RHOQ: variants seen among roughly 807,000 people sequenced by gnomAD.
The protein encoded by RHOQ is rho-related GTP-binding protein RhoQ.
Under a neutral mutation model 25.8 loss-of-function variants are expected in RHOQ, and 7 were observed. The ratio of observed to expected loss-of-function variants is 0.27; its 90% confidence interval spans 0.15 to 0.51. The LOEUF (loss-of-function observed/expected upper bound fraction) is 0.51, where lower values mean the gene tolerates loss of function less well. Ranked by LOEUF, RHOQ falls within the 20% of genes least tolerant of loss-of-function variation. RHOQ has a pLI of 0.97. For synonymous variants in RHOQ, 97 were observed against 98.6 expected, an observed-to-expected ratio of 0.98 and a Z score of 0.10; for missense variants, 165 against 260.6, an observed-to-expected ratio of 0.63 and a Z score of 2.53.
At chr2:46,565,299 G>A (rs974969015) in intron 2 of RHOQ, among the ~76,000 whole-genome samples, 1 of 152,170 alleles carries the variant, frequency 6.6e-6, no homozygotes, top group Non-Finnish European at 1.5e-5. Flanking sequence ...GGGGTGGTGG[G>A]TCCTGCACTG....
At chr2:46,575,397 CTT>C (rs1558692398) in intron 2 of RHOQ, among the ~76,000 whole-genome samples, 15 of 105,048 alleles carry the variant, frequency 1.4e-4, no homozygotes, top group Admixed American at 2.2e-4. Flanking sequence ...CTCTTTAAAT[CTT>C]CACACACACA....
At chr2:46,559,762 T>C (rs1403969694) in intron 2 of RHOQ, among the ~76,000 whole-genome samples, 1 of 152,180 alleles carries the variant, frequency 6.6e-6, no homozygotes, top group Non-Finnish European at 1.5e-5. Context: ...GGTCTTTTTA[T>C]TGGGGAACCT....
At chr2:46,549,841 C>G (rs1165477929) in intron 2 of RHOQ, among the ~76,000 whole-genome samples, 1 of 152,216 alleles carries the variant, frequency 6.6e-6, no homozygotes, top group Admixed American at 6.5e-5. Flanking sequence ...TGCGTTCTTG[C>G]TCTCTTCAAG....
intron 2 of RHOQ, among the ~76,000 whole-genome samples, chr2:46,575,854 A>G (rs993941758): frequency 5.9e-5 from 9 of 152,130 alleles, no homozygotes; most frequent in African/African-American, 1.9e-4. Flanking sequence ...TATTTTTCCA[A>G]AGTTTTCATT....
At chr2:46,543,552 A>G in intron 1 of RHOQ, 1 of 611,532 alleles carries the variant, frequency 1.6e-6, no homozygotes, top group Non-Finnish European at 3.0e-6. Flanking sequence ...AAGGGGGTGG[A>G]CGGCTGGGGA....
chr2:46,562,987 G>C (rs1317550787), intron 2 of RHOQ, among the ~76,000 whole-genome samples: 1 of 152,212 alleles, frequency 6.6e-6, no homozygotes, highest in African/African-American at 2.4e-5. Flanking sequence ...GCCAGCACAT[G>C]TGTTAAGTGC....
intron 2 of RHOQ, among the ~76,000 whole-genome samples, chr2:46,553,339 A>T (rs980563362): frequency 8.7e-5 from 13 of 150,032 alleles, no homozygotes; most frequent in Admixed American, 3.3e-4. Flanking sequence ...TTCAATTTTT[A>T]AAAAAATGTT....
In RHOQ at chr2:46,565,788, C is replaced by G. The variant is rs868302011; in HGVS notation, c.202-10299C>G. On this transcript the variant is annotated intron_variant, in intron 2 of 4. Coordinates refer to ENST00000238738, the MANE Select transcript of RHOQ (RefSeq NM_012249.4). ...TAATAAGCTGCGACCATGAGCCAGG[C>G]CTTGAGCAATAGTCCCCTGCCCTCA... 2.2e-4 allele frequency among the ~76,000 whole-genome samples: 34 copies of G among 152,204 alleles called. 1 individual carries two copies. The highest frequency in any genetic ancestry group is 4.6e-4 in the Non-Finnish European group (31 of 68,040).
chr2:46,576,548 C>T lies in RHOQ; in HGVS notation c.367-13C>T. 6.6e-7 allele frequency: 1 copy of T among 1,516,330 alleles called. No homozygotes were observed. Among genetic ancestry groups the T allele is most frequent in the Non-Finnish European group, 9.0e-7 (1 of 1,105,218 alleles). The allele number at this position is 1,516,330 out of a possible 1,614,324, so 93.9% of individuals were successfully genotyped here. On this transcript the variant is annotated splice_polypyrimidine_tract_variant and intron_variant, in intron 3 of 4. Transcript: ENST00000238738. The surrounding 1 kb of genome is among the most constrained non-coding windows in gnomAD (Gnocchi z 5.1). ...TGTAATATTATGGGACATTATTGAC[C>T]TTTCTTAATTAGATTGATCTCCGAG... is the stretch of plus-strand genomic sequence containing the variant.
intron 2 of RHOQ, among the ~76,000 whole-genome samples, chr2:46,559,730 C>T (rs887720658): frequency 3.9e-5 from 6 of 152,192 alleles, no homozygotes; most frequent in Non-Finnish European, 8.8e-5. Context: ...TTGAGAACCA[C>T]TGTTGTAGGG....
chr2:46,579,865 A>G (rs1669284350), intron 4 of RHOQ, among the ~76,000 whole-genome samples: 1 of 151,182 alleles, frequency 6.6e-6, no homozygotes, highest in South Asian at 2.1e-4. Flanking sequence ...AAAGCCCTGA[A>G]GTCGTACTTG....
Position 46,556,564 on chromosome 2 carries a change from A to T in RHOQ, c.201+12752A>T, listed in dbSNP as rs1177878167. Among the ~76,000 whole-genome samples the T allele has an allele frequency of 1.3e-5, 2 of 150,172 alleles. No homozygotes were observed. The highest frequency in any genetic ancestry group is 3.0e-5 in the Non-Finnish European group (2 of 67,762). On this transcript the variant is annotated intron_variant, in intron 2 of 4. Transcript: ENST00000238738. This position sits in a 1 kb window ranked among gnomAD's most constrained non-coding sequence, Gnocchi z 4.9. ...TTGTTTTCTCTGTGCCTCTGTTCATATACTCTCCCACCCCAACCACACCCT... is the reference window on the plus strand; with the variant it reads ...TTGTTTTCTCTGTGCCTCTGTTCATTTACTCTCCCACCCCAACCACACCCT...
At chr2:46,547,104 T>C (rs776027410) in intron 2 of RHOQ, among the ~76,000 whole-genome samples, 1 of 152,216 alleles carries the variant, frequency 6.6e-6, no homozygotes, top group Non-Finnish European at 1.5e-5. Context: ...GTAGGGTATG[T>C]AGGCTTCAGT....
intron 2 of RHOQ, among the ~76,000 whole-genome samples, chr2:46,572,028 T>C (rs1000224289): frequency 3.3e-5 from 5 of 151,568 alleles, no homozygotes; most frequent in Admixed American, 1.3e-4. Context: ...CTCTGTGGCA[T>C]TGGAAGAGCT....
At chr2:46,570,016 T>G (rs1474480123) in intron 2 of RHOQ, among the ~76,000 whole-genome samples, 1 of 152,054 alleles carries the variant, frequency 6.6e-6, no homozygotes, top group Non-Finnish European at 1.5e-5. Context: ...TACCAAAGTG[T>G]TTTCAAAAAG....
In RHOQ at chr2:46,583,066, C is replaced by G. The variant is rs1669454469; in HGVS notation, c.*1983C>G. 1 of 152,070 alleles carries G rather than the reference C, an allele frequency of 6.6e-6. No individual in the cohort carries two copies. The highest frequency in any genetic ancestry group is 6.5e-5 in the Admixed American group (1 of 15,270). The allele number at this position is 152,070 out of a possible 1,614,324, so 9.4% of individuals were successfully genotyped here. A position where few individuals can be genotyped will look rare whatever the true frequency, so the allele number is the denominator to read the frequency against. ...TCAATTAACATATTAGCTGAGTTGTCCAACACATGGTATAAACGAATTACA... is the reference window on the plus strand; with the variant it reads ...TCAATTAACATATTAGCTGAGTTGTGCAACACATGGTATAAACGAATTACA... On this transcript the variant is annotated 3_prime_UTR_variant, in exon 5 of 5. Coordinates refer to ENST00000238738, the MANE Select transcript of RHOQ (RefSeq NM_012249.4).
intron 2 of RHOQ, among the ~76,000 whole-genome samples, chr2:46,574,777 A>G (rs945170687): frequency 6.6e-6 from 1 of 152,208 alleles, no homozygotes; most frequent in African/African-American, 2.4e-5. Flanking sequence ...GTTGAAAGTT[A>G]TATTATGAAA....
At position 46,576,085 on chromosome 2, in the gene RHOQ, A is replaced by G; in HGVS notation, c.202-2A>G. ...ATAATGAGGCTTTTCTTTGTTCCTC[A>G]GGAAGACTATGACCGTCTGAGGCCT... On this transcript the variant is annotated splice_acceptor_variant, in intron 2 of 4. Transcript: ENST00000238738. LOFTEE classifies it high-confidence loss of function. The surrounding 1 kb of genome is among the most constrained non-coding windows in gnomAD (Gnocchi z 5.1). 2 of 1,590,220 alleles carry G rather than the reference A, an allele frequency of 1.3e-6. No homozygotes were observed. The highest frequency in any genetic ancestry group is 1.7e-6 in the Non-Finnish European group (2 of 1,171,644).
intron 2 of RHOQ, among the ~76,000 whole-genome samples, chr2:46,544,733 T>C (rs1667992658): frequency 6.6e-6 from 1 of 152,238 alleles, no homozygotes; most frequent in South Asian, 2.1e-4. Context: ...AGTTTCCACA[T>C]GTCATACAGA....
Sources: gnomAD v4.1 joint callset for allele counts (sites outside exome capture counted in the v4.1 genomes callset) on GRCh38, gnomAD v4.1.1 for gene constraint, Gnocchi (gnomAD v3.1) non-coding constraint, MANE v1.5 for transcripts, NCBI Gene and HGNC (gene_info 2026-07-23, HGNC 2026-07-21) for gene names.